Variants in ERICH2 observed in about 807,000 individuals in gnomAD.
ERICH2 encodes the protein glutamate-rich protein 2.
A neutral mutation model predicts 17.4 loss-of-function variants in ERICH2; 17 were observed. That is an observed-to-expected ratio of 0.98 (90% confidence interval 0.67 to 1.47). The LOEUF is 1.47. Among genes scored for constraint, ERICH2 ranks in the 40% most tolerant of loss-of-function variants. The pLI is 0.00. For missense variants in ERICH2, 186 were observed against 183.2 expected, an observed-to-expected ratio of 1.01 and a Z score of -0.09; for synonymous variants, 51 against 61.1, an observed-to-expected ratio of 0.83 and a Z score of 0.77.
At position 170,797,795 on chromosome 2, in the gene ERICH2, GA is replaced by G. The variant is rs767126097; in HGVS notation, c.275-227del. ...TAACAGAGCGACACCCTGTCTCAGG[GA>G]AAAAAAAAAAAAAAAAAAGAAAGAA... On this transcript the variant is annotated intron_variant, in intron 3 of 4. Coordinates refer to ENST00000409885, the Ensembl canonical transcript of ERICH2. Among the ~76,000 whole-genome samples, 849 of 141,720 alleles carry G rather than the reference GA, an allele frequency of 6.0e-3. 8 individuals are homozygous for G. The highest frequency in any genetic ancestry group is 0.025 in the South Asian group (112 of 4,480). The allele number at this position is 141,720 out of a possible 152,430, so 93.0% of individuals were successfully genotyped here.
In ERICH2 at chr2:170,786,886, C is replaced by T. The variant is rs148316196; in HGVS notation, c.216+2053C>T. Among the ~76,000 whole-genome samples the T allele has an allele frequency of 3.9e-5, 6 of 151,968 alleles. No homozygotes were observed. The East Asian group carries it at 1.2e-3, about 29-fold the overall frequency. ...CTGTCATCATCATGTTCATATTTAC[C>T]TCTGTTTTTGAGCATATGGCATATA... On this transcript the variant is annotated intron_variant, in intron 2 of 4. Coordinates refer to ENST00000409885, the Ensembl canonical transcript of ERICH2.
At chr2:170,797,040 C>T (rs1203313014) in intron 3 of ERICH2, among the ~76,000 whole-genome samples, 2 of 152,070 alleles carry the variant, frequency 1.3e-5, no homozygotes, top group African/African-American at 2.4e-5. Context: ...AGAAAGGTGA[C>T]ACAGTGACAT....
chr2:170,797,600 C>G (rs149335330), intron 3 of ERICH2, among the ~76,000 whole-genome samples: 6 of 152,094 alleles, frequency 3.9e-5, no homozygotes, highest in African/African-American at 1.4e-4. Flanking sequence ...GAGTTTGAGA[C>G]TAGCCTGGGC....
At chr2:170,772,771 CCTT>C in the ERICH2 span, among the ~76,000 whole-genome samples, 2 of 152,302 alleles carry the variant, frequency 1.3e-5, no homozygotes, top group Admixed American at 1.3e-4. Flanking sequence ...CTCTGTCTCT[CCTT>C]CTCACCAGAG....
chr2:170,776,408 C>T, the ERICH2 span, among the ~76,000 whole-genome samples: 7 of 152,176 alleles, frequency 4.6e-5, no homozygotes, highest in African/African-American at 7.2e-5. Context: ...GACAGAGTCT[C>T]GCTCTGTTGC....
chr2:170,784,701 C>T, exon 2 of ERICH2: 2 of 1,543,466 alleles, frequency 1.3e-6, no homozygotes, highest in Non-Finnish European at 1.7e-6. Flanking sequence ...ATGAATATTG[C>T]CTTCAGGATA....
At chr2:170,771,536 CT>C in the ERICH2 span, 2 of 152,290 alleles carry the variant, frequency 1.3e-5, no homozygotes, top group African/African-American at 2.4e-5. The surrounding 1 kb of genome is among the most constrained non-coding windows in gnomAD (Gnocchi z 4.8). Context: ...GCACCAACTC[CT>C]TCCCCGCAAA....
chr2:170,773,775 G>C, the ERICH2 span, among the ~76,000 whole-genome samples: 29 of 152,172 alleles, frequency 1.9e-4, no homozygotes, highest in Admixed American at 8.5e-4. Context: ...GCCCAGGCTG[G>C]AGTACAGTGG....
chr2:170,771,185 C>G, the ERICH2 span: 1 of 154,766 alleles, frequency 6.5e-6, no homozygotes, highest in Non-Finnish European at 1.5e-5. The surrounding 1 kb of genome is among the most constrained non-coding windows in gnomAD (Gnocchi z 4.8). Context: ...GGGCCGCCAG[C>G]TGGTAAGACA....
rs1023049034 is a variant in ERICH2 at position 170,791,063 on chromosome 2, G to C, written c.217-1800G>C. ...ATCAAGAGTTGGATATTTGAAAAAA[G>C]GATGACATAGATATAAACCACTAAA... On this transcript the variant is annotated intron_variant, in intron 2 of 4. Transcript: ENST00000409885. 3.3e-5 allele frequency among the ~76,000 whole-genome samples: 5 copies of C among 151,786 alleles called. No homozygotes were observed. The East Asian group carries it at 9.7e-4, about 29-fold the overall frequency.
the ERICH2 span, chr2:170,770,873 C>G: frequency 6.7e-6 from 1 of 149,122 alleles, no homozygotes; most frequent in Non-Finnish European, 1.5e-5. Context: ...CAGCCCCGCC[C>G]CGGGCCCTCC....
chr2:170,796,787 A>G (rs1238822543), intron 3 of ERICH2, among the ~76,000 whole-genome samples: 1 of 152,132 alleles, frequency 6.6e-6, no homozygotes, highest in Non-Finnish European at 1.5e-5. Context: ...TTGATGTTTC[A>G]GTGCCCCCCT....
rs949936025 is a variant in ERICH2, at chr2:170,791,712, TAAAATA to T, written c.217-1141_217-1136del. 5.1e-4 allele frequency among the ~76,000 whole-genome samples: 43 copies of T among 83,580 alleles called. No individual in the cohort carries two copies. The South Asian group carries it at 0.013, about 25-fold the overall frequency. 54.8% of individuals were successfully genotyped at this position (83,580 alleles called of 152,430 possible). On this transcript the variant is annotated intron_variant, in intron 2 of 4. Coordinates refer to ENST00000409885, the Ensembl canonical transcript of ERICH2. ...CTCAAAAATAAATAAATAAATAAAA[TAAAATA>T]AAAATAAAATAAAATAAATAATTAG... is the stretch of plus-strand genomic sequence containing the variant.
upstream of ERICH2, chr2:170,783,377 C>T (rs1238795102): frequency 6.4e-6 from 1 of 157,318 alleles, no homozygotes; most frequent in Non-Finnish European, 1.4e-5. Flanking sequence ...TGGTGAAACC[C>T]CATCTCTACT....
upstream of ERICH2, among the ~76,000 whole-genome samples, chr2:170,779,087 T>G (rs1334647898): frequency 6.6e-6 from 1 of 152,192 alleles, no homozygotes; most frequent in Non-Finnish European, 1.5e-5. Flanking sequence ...TTCACAGGTG[T>G]GTAGTTTTGT....
upstream of ERICH2, among the ~76,000 whole-genome samples, chr2:170,781,355 G>A (rs777989561): frequency 6.6e-6 from 1 of 152,168 alleles, no homozygotes; most frequent in East Asian, 1.9e-4. Context: ...GACTTGGGGG[G>A]CTGGGCACAG....
At chr2:170,790,258 G>A (rs1701256309) in intron 2 of ERICH2, among the ~76,000 whole-genome samples, 2 of 152,208 alleles carry the variant, frequency 1.3e-5, no homozygotes, top group Non-Finnish European at 2.9e-5. Context: ...CACTTTGGGA[G>A]GCTAGGCAGG....
intron 2 of ERICH2, among the ~76,000 whole-genome samples, chr2:170,789,771 T>C (rs970842780): frequency 6.6e-6 from 1 of 152,238 alleles, no homozygotes; most frequent in East Asian, 1.9e-4. Context: ...CTGAGGCTAG[T>C]ATTAATATAA....
upstream of ERICH2, among the ~76,000 whole-genome samples, chr2:170,781,914 A>C (rs867078461): frequency 3.3e-5 from 5 of 152,332 alleles, no homozygotes; most frequent in Non-Finnish European, 4.4e-5. Context: ...TTAAAAACTC[A>C]AGGCTAATTT....
Sources: allele counts gnomAD v4.1 joint callset (sites outside exome capture counted in the v4.1 genomes callset), GRCh38; gene constraint gnomAD v4.1.1; non-coding constraint Gnocchi (gnomAD v3.1); transcripts MANE v1.5; gene names NCBI Gene and HGNC (gene_info 2026-07-23, HGNC 2026-07-21).